Variants in DCAF6 observed in about 807,000 individuals in gnomAD.
The protein encoded by DCAF6 is DDB1 and CUL4 associated factor 6.
In DCAF6, 54 loss-of-function variants were observed where a neutral mutation model predicts 125.1. The observed-to-expected ratio is 0.43, with a 90% CI of 0.35 to 0.54. The LOEUF is 0.54. DCAF6 is among the 20% of genes least tolerant of loss of function. The probability of loss-of-function intolerance (pLI) is 0.01; values close to 1 mark genes in which losing one functional copy is unlikely to be tolerated. For synonymous variants in DCAF6, 371 were observed against 390.4 expected, an observed-to-expected ratio of 0.95 and a Z score of 0.58; for missense variants, 934 against 1,161.7, an observed-to-expected ratio of 0.80 and a Z score of 2.85.
At chr1:167,964,697 C>T (rs1040670862) in intron 2 of DCAF6, among the ~76,000 whole-genome samples, 4 of 152,154 alleles carry the variant, frequency 2.6e-5, no homozygotes, top group African/African-American at 9.7e-5. Context: ...GTAGTTGTCC[C>T]ACATTCCTTG....
At chr1:168,004,056 A>C in intron 9 of DCAF6, 67 bp downstream of exon 9, 1 of 1,548,628 alleles carries the variant, frequency 6.5e-7, no homozygotes, top group Non-Finnish European at 8.8e-7. Flanking sequence ...GCCAGTTTTT[A>C]TTTCTATCAT....
chr1:167,904,371 C>G, the DCAF6 span, among the ~76,000 whole-genome samples: 2 of 152,158 alleles, frequency 1.3e-5, no homozygotes, highest in Non-Finnish European at 2.9e-5. Context: ...CAGGCGTGAG[C>G]CACCGAACCC....
At chr1:167,957,820 A>T (rs538972427) in intron 2 of DCAF6, among the ~76,000 whole-genome samples, 2 of 152,094 alleles carry the variant, frequency 1.3e-5, no homozygotes, top group African/African-American at 4.8e-5. Flanking sequence ...AAATTATTAT[A>T]ATCATCCTAG....
chr1:168,056,929 A>C (rs1219212360), intron 17 of DCAF6, among the ~76,000 whole-genome samples: 2 of 152,176 alleles, frequency 1.3e-5, no homozygotes, highest in Non-Finnish European at 2.9e-5. Context: ...CACAGTAAAG[A>C]ATTTCTTTCT....
chr1:168,035,266 C>T (rs1462812960), intron 12 of DCAF6, among the ~76,000 whole-genome samples: 1 of 152,010 alleles, frequency 6.6e-6, no homozygotes, highest in Non-Finnish European at 1.5e-5. Context: ...GGCAACATGG[C>T]AAAACCCTGT....
At chr1:167,984,308 A>AG (rs1279554616) in intron 4 of DCAF6, among the ~76,000 whole-genome samples, 7 of 152,200 alleles carry the variant, frequency 4.6e-5, no homozygotes, top group African/African-American at 1.7e-4. Context: ...TTAAATTGTG[A>AG]GGAAAGGTTC....
chr1:167,943,297 C>T (rs1038441655), intron 1 of DCAF6, among the ~76,000 whole-genome samples: 2 of 152,134 alleles, frequency 1.3e-5, no homozygotes, highest in South Asian at 4.1e-4. Flanking sequence ...ACTAGCTTGT[C>T]AATTTCTACA....
chr1:167,916,061 CACT>C, the DCAF6 span, among the ~76,000 whole-genome samples: 1 of 152,146 alleles, frequency 6.6e-6, no homozygotes, highest in East Asian at 1.9e-4. Context: ...CGATTTGCAC[CACT>C]GTGGAAATTA....
intron 21 of DCAF6, among the ~76,000 whole-genome samples, chr1:168,074,162 C>A (rs1693516252): frequency 6.6e-6 from 1 of 151,610 alleles, no homozygotes; most frequent in Non-Finnish European, 1.5e-5. Flanking sequence ...TTCACTTGGA[C>A]AATTAAACAA....
At chr1:167,930,837 G>C (rs1368612257), upstream of DCAF6, among the ~76,000 whole-genome samples, 1 of 152,142 alleles carries the variant, frequency 6.6e-6, no homozygotes, top group East Asian at 1.9e-4. Context: ...TATAGCTTAG[G>C]GCTTTCTTCT....
At chr1:168,044,774 A>G (rs1206122627) in intron 15 of DCAF6, 103 bp downstream of exon 15, 28 of 1,406,510 alleles carry the variant, frequency 2.0e-5, no homozygotes, top group Non-Finnish European at 2.8e-5. Context: ...TGTATTGTGG[A>G]AGTTTCCTCC....
At chr1:167,906,075 C>T in the DCAF6 span, among the ~76,000 whole-genome samples, 12 of 151,982 alleles carry the variant, frequency 7.9e-5, no homozygotes, top group South Asian at 2.5e-3. Context: ...CAGAGAGGAA[C>T]TTGTTAGTAG....
chr1:168,032,001 C>T (rs1435650085), intron 12 of DCAF6, among the ~76,000 whole-genome samples: 1 of 152,170 alleles, frequency 6.6e-6, no homozygotes, highest in Admixed American at 6.5e-5. Flanking sequence ...CAGTTTCAAT[C>T]TAAATGTATC....
chr1:167,999,356 G>C (rs1015930316), intron 7 of DCAF6, among the ~76,000 whole-genome samples: 1 of 152,152 alleles, frequency 6.6e-6, no homozygotes, highest in Non-Finnish European at 1.5e-5. Flanking sequence ...TGGTAAATGA[G>C]CATTGGCTTC....
the DCAF6 span, chr1:167,920,700 AGC>A: frequency 8.9e-5 from 129 of 1,450,296 alleles, no homozygotes; most frequent in Non-Finnish European, 5.1e-5. Context: ...CTTTAAATCA[AGC>A]ACAAGACATT....
At chr1:167,866,112 C>T in the DCAF6 span, among the ~76,000 whole-genome samples, 2 of 152,158 alleles carry the variant, frequency 1.3e-5, no homozygotes, top group Non-Finnish European at 2.9e-5. Flanking sequence ...CATCCCCAAG[C>T]GGATGTGTGG....
chr1:168,062,755 C>A (rs964477768), intron 17 of DCAF6, among the ~76,000 whole-genome samples: 8 of 151,908 alleles, frequency 5.3e-5, no homozygotes, highest in Non-Finnish European at 8.8e-5. Context: ...ATAGTTAAAT[C>A]AGTTTTTAAG....
intron 17 of DCAF6, chr1:168,055,965 G>A: frequency 6.2e-7 from 1 of 1,600,670 alleles, no homozygotes; most frequent in Non-Finnish European, 8.5e-7. Context: ...ATCTAGTTCT[G>A]AAGGGTTACT....
the DCAF6 span, chr1:167,878,417 A>G: frequency 3.7e-6 from 6 of 1,608,180 alleles, no homozygotes; most frequent in African/African-American, 1.3e-5. Context: ...TTACTAAAAT[A>G]TACTTCAAAA....
Sources: gnomAD v4.1 joint callset for allele counts (sites outside exome capture counted in the v4.1 genomes callset) on GRCh38, gnomAD v4.1.1 for gene constraint, MANE v1.5 for transcripts, NCBI Gene and HGNC (gene_info 2026-07-23, HGNC 2026-07-21) for gene names.